Variants in ARHGEF10 observed in about 807,000 individuals in gnomAD.
ARHGEF10 encodes Rho guanine nucleotide exchange factor (GEF) 10.
ARHGEF10 carries 140 observed loss-of-function variants against 147.4 expected under a neutral mutation model. That is an observed-to-expected ratio of 0.95 (90% CI 0.83 to 1.09). The LOEUF (loss-of-function observed/expected upper bound fraction) is 1.09. Among genes scored for constraint, ARHGEF10 ranks in the 50% least tolerant of loss-of-function variants. The probability of loss-of-function intolerance (pLI) is 0.00; values close to 1 mark genes in which losing one functional copy is unlikely to be tolerated. For synonymous variants in ARHGEF10, 902 were observed against 695.8 expected, an observed-to-expected ratio of 1.30 and a Z score of -4.67; for missense variants, 2,222 against 1,752.7, an observed-to-expected ratio of 1.27 and a Z score of -4.78.
intron 8 of ARHGEF10, among the ~76,000 whole-genome samples, chr8:1,878,443 C>T (rs927500460): frequency 6.6e-6 from 1 of 152,174 alleles, no homozygotes; most frequent in Non-Finnish European, 1.5e-5. Context: ...CCTCAGCCCT[C>T]CAAAGTGCTG....
intron 1 of ARHGEF10, among the ~76,000 whole-genome samples, chr8:1,833,541 C>A (rs969421495): frequency 1.3e-5 from 2 of 152,186 alleles, no homozygotes; most frequent in Admixed American, 1.3e-4. Context: ...ACGGCCCTCA[C>A]GGCTGCCTCT....
intron 1 of ARHGEF10, chr8:1,826,164 A>G (rs750790979): frequency 1.1e-5 from 17 of 1,576,188 alleles, no homozygotes; most frequent in Non-Finnish European, 1.3e-5. Context: ...ATAAGGTGCT[A>G]TTTGTAATTC....
At chr8:1,929,735 G>A (rs1812970686) in intron 25 of ARHGEF10, among the ~76,000 whole-genome samples, 1 of 152,216 alleles carries the variant, frequency 6.6e-6, no homozygotes, top group South Asian at 2.1e-4. Flanking sequence ...GCCATGCAGA[G>A]CCTCCTTCAG....
At chr8:1,823,677 G>A (rs544734753), upstream of ARHGEF10, among the ~76,000 whole-genome samples, 1,528 of 151,978 alleles carry the variant, frequency 0.01, 12 homozygotes, top group Middle Eastern at 0.052. Context: ...CGCGGCCCGG[G>A]GTCCGCGGGG....
chr8:1,875,232 G>C (rs1335448772), intron 7 of ARHGEF10, among the ~76,000 whole-genome samples: 1 of 135,046 alleles, frequency 7.4e-6, no homozygotes, highest in Non-Finnish European at 1.6e-5. Context: ...TCTGGTGGGA[G>C]AGTGCAGACA....
chr8:1,953,165 A>G (rs1012532909), intron 28 of ARHGEF10, among the ~76,000 whole-genome samples: 3 of 146,892 alleles, frequency 2.0e-5, no homozygotes, highest in African/African-American at 8.2e-5. Context: ...GTGAAGAAGG[A>G]AGCCGGGATC....
chr8:1,869,364 T>A, intron 7 of ARHGEF10, 114 bp downstream of exon 7: 1 of 898,692 alleles, frequency 1.1e-6, no homozygotes, highest in Middle Eastern at 2.1e-4. Flanking sequence ...TCATGTTTTG[T>A]ATGTTGCTTC....
chr8:1,949,707 C>T (rs1814874640), intron 27 of ARHGEF10, among the ~76,000 whole-genome samples: 1 of 151,896 alleles, frequency 6.6e-6, no homozygotes, highest in Admixed American at 6.6e-5. Flanking sequence ...TTCTGAAGAC[C>T]ATGGACTACA....
chr8:1,871,140 A>C (rs570515096), intron 7 of ARHGEF10: 1 of 150,680 alleles, frequency 6.6e-6, no homozygotes, highest in African/African-American at 2.4e-5. Flanking sequence ...AAAAATCAGT[A>C]AACCATAAAA....
chr8:1,842,306 G>A (rs1286768820), intron 1 of ARHGEF10, among the ~76,000 whole-genome samples: 3 of 152,176 alleles, frequency 2.0e-5, no homozygotes, highest in Non-Finnish European at 4.4e-5. Flanking sequence ...GTGTCTGTCT[G>A]CTTCTGAGAG....
intron 10 of ARHGEF10, 91 bp downstream of exon 10, chr8:1,882,840 G>A (rs1808334064): frequency 3.1e-6 from 3 of 973,964 alleles, no homozygotes; most frequent in Non-Finnish European, 4.8e-6. Context: ...GGGGGCGGCC[G>A]CGCAGGCTCC....
chr8:1,855,579 G>A (rs1246712780), intron 2 of ARHGEF10, among the ~76,000 whole-genome samples: 2 of 151,588 alleles, frequency 1.3e-5, no homozygotes, highest in African/African-American at 2.4e-5. Context: ...TTTAAGAGAC[G>A]GGGTTTCACT....
intron 10 of ARHGEF10, 95 bp from the exon 11 acceptor site, chr8:1,885,506 C>A: frequency 2.2e-6 from 2 of 893,760 alleles, no homozygotes; most frequent in Admixed American, 2.0e-5. Flanking sequence ...GAAAGGTCTA[C>A]ACAAAATATT....
intron 2 of ARHGEF10, among the ~76,000 whole-genome samples, chr8:1,844,173 G>T (rs1804324885): frequency 6.6e-6 from 1 of 152,156 alleles, no homozygotes; most frequent in Non-Finnish European, 1.5e-5. Flanking sequence ...GGAATTAACT[G>T]TGTGGGCTCC....
intron 1 of ARHGEF10, among the ~76,000 whole-genome samples, chr8:1,832,201 G>C (rs1440143375): frequency 1.3e-5 from 2 of 150,786 alleles, no homozygotes; most frequent in African/African-American, 2.5e-5. Context: ...AGGGCTCCAA[G>C]GGATGGAGCG....
At position 1,957,312 on chromosome 8, in the gene ARHGEF10, C is replaced by G. The variant is rs1309501598; in HGVS notation, c.*49C>G. On this transcript the variant is annotated 3_prime_UTR_variant, in exon 29 of 29. Transcript: ENST00000349830. Reference sequence around the variant, plus strand: ...CAGAATTTGCAATCAAGGGTGACTTCTCAGCTAATCCTACAGCCTGAGTGG... The same window carrying G: ...CAGAATTTGCAATCAAGGGTGACTTGTCAGCTAATCCTACAGCCTGAGTGG... 1.3e-6 allele frequency: 2 copies of G among 1,582,690 alleles called. No homozygotes were observed. The highest frequency in any genetic ancestry group is 1.7e-6 in the Non-Finnish European group (2 of 1,167,862).
chr8:1,903,696 T>G (rs1810664895), intron 16 of ARHGEF10: 2 of 579,358 alleles, frequency 3.5e-6, no homozygotes, highest in Non-Finnish European at 6.1e-6. Context: ...CATTAGACCC[T>G]CAAATGGATC....
chr8:1,936,182 G>T (rs952851497), intron 26 of ARHGEF10, among the ~76,000 whole-genome samples: 1 of 152,140 alleles, frequency 6.6e-6, no homozygotes, highest in Non-Finnish European at 1.5e-5. Context: ...GATAACACAG[G>T]TGTGTTTTCA....
In ARHGEF10 at chr8:1,926,379, T is replaced by C. The variant is rs886462529; in HGVS notation, c.2613T>C (p.Ile871=). Residue 871 remains isoleucine, a splice_region_variant and synonymous_variant, in exon 23 of 29, where the codon ATT becomes ATC. Transcript: ENST00000349830. ...VMVAKQQEFK[I]ECAAYNPEPY... ...CGTTTGATTTTATTCCATTTTAGATTGAATGTGCTGCTTATAACCCTGAAC... is the reference window on the plus strand; with the variant it reads ...CGTTTGATTTTATTCCATTTTAGATCGAATGTGCTGCTTATAACCCTGAAC... 2.5e-5 allele frequency: 41 copies of C among 1,613,382 alleles called. No individual in the cohort carries two copies. Among genetic ancestry groups the C allele is most frequent in the African/African-American group, 5.3e-5 (4 of 74,928 alleles).
Sources: gnomAD v4.1 joint callset for allele counts (sites outside exome capture counted in the v4.1 genomes callset) on GRCh38, gnomAD v4.1.1 for gene constraint, MANE v1.5 for transcripts, NCBI Gene and HGNC (gene_info 2026-07-23, HGNC 2026-07-21) for gene names.